The following ROBO3 variants were observed in gnomAD, a reference collection of about 807,000 sequenced individuals.
The protein encoded by ROBO3 is roundabout homolog 3.
A neutral mutation model predicts 160.5 loss-of-function variants in ROBO3; 97 were observed. The ratio of observed to expected loss-of-function variants is 0.60; its 90% confidence interval spans 0.51 to 0.72. The LOEUF (loss-of-function observed/expected upper bound fraction) is 0.72, where lower values mean the gene tolerates loss of function less well. ROBO3 is among the 30% of genes least tolerant of loss of function. ROBO3 has a pLI of 0.00. For missense variants in ROBO3, 1,858 were observed against 1,846.5 expected, an observed-to-expected ratio of 1.01 and a Z score of -0.11; for synonymous variants, 780 against 746.2, an observed-to-expected ratio of 1.05 and a Z score of -0.74.
At chr11:124,880,738 G>A (rs1946562323) in intron 27 of ROBO3, 130 bp downstream of exon 27, 4 of 1,323,916 alleles carry the variant, frequency 3.0e-6, no homozygotes, top group Admixed American at 5.7e-5. Context: ...GAGAGGGTGA[G>A]GGGGAGGGAG....
chr11:124,878,281 C>T lies in ROBO3; in HGVS notation c.3182-17C>T, dbSNP rs759972135. 1 of 1,611,514 alleles carries T rather than the reference C, an allele frequency of 6.2e-7. No individual in the cohort carries two copies. The highest frequency in any genetic ancestry group is 1.1e-5 in the South Asian group (1 of 90,450). ...TTCCTGCCTGTTCTCCGGGTGTCCC[C>T]ATCCTATTCTCCTCAGGAGCCAAGG... On this transcript the variant is annotated splice_polypyrimidine_tract_variant and intron_variant, in intron 21 of 27. Coordinates refer to ENST00000397801, the MANE Select transcript of ROBO3 (RefSeq NM_022370.4). The surrounding 1 kb of genome is among the most constrained non-coding windows in gnomAD (Gnocchi z 4.3).
chr11:124,871,205 A>G, intron 7 of ROBO3, 67 bp downstream of exon 7: 2 of 1,523,770 alleles, frequency 1.3e-6, no homozygotes, highest in South Asian at 2.4e-5. Context: ...CTCCCTCTAC[A>G]TTCTGCAAAC....
rs1052307990 is a variant in ROBO3 at position 124,873,256 on chromosome 11, C to T, written c.1537-54C>T. 1 of 1,526,014 alleles carries T rather than the reference C, an allele frequency of 6.6e-7. No individual in the cohort carries two copies. Among genetic ancestry groups the T allele is most frequent in the East Asian group, 2.3e-5 (1 of 42,710 alleles). The allele number at this position is 1,526,014 out of a possible 1,614,324, so 94.5% of individuals were successfully genotyped here. ...TCCTTCTGCTACCCGCCTCCACCCCCTCACTGGATCTTGCTCCACTCTCAG... is the reference window on the plus strand; with the variant it reads ...TCCTTCTGCTACCCGCCTCCACCCCTTCACTGGATCTTGCTCCACTCTCAG... On this transcript the variant is annotated intron_variant, in intron 9 of 27. Coordinates refer to ENST00000397801, the MANE Select transcript of ROBO3 (RefSeq NM_022370.4). This position sits in a 1 kb window ranked among gnomAD's most constrained non-coding sequence, Gnocchi z 4.5.
At position 124,873,395 on chromosome 11, in the gene ROBO3, A is replaced by G; in HGVS notation, c.1618+4A>G. The G allele has an allele frequency of 6.2e-7, 1 of 1,609,408 alleles. No homozygotes were observed. The highest frequency in any genetic ancestry group is 8.5e-7 in the Non-Finnish European group (1 of 1,177,946). On this transcript the variant is annotated splice_donor_region_variant and intron_variant, in intron 10 of 27. Transcript: ENST00000397801. The surrounding 1 kb of genome is among the most constrained non-coding windows in gnomAD (Gnocchi z 4.5). ...AGCGGCTGGCTTAAGATGCGGGGTG[A>G]GTTTTTTCTTTCTTCCCTTATTTTG...
At position 124,876,051 on chromosome 11, in the gene ROBO3, T is replaced by C. The variant is rs773013072; in HGVS notation, c.2519T>C (p.Leu840Pro). Reference sequence around the variant, plus strand: ...CTCCGAGGACTGGTGCCCGGTCTCCTCTATCGAACCCTGGTCGCGGCGGCC... The same window carrying C: ...CTCCGAGGACTGGTGCCCGGTCTCCCCTATCGAACCCTGGTCGCGGCGGCC... ...AMLRGLVPGL[L>P]YRTLVAAATS... The change falls in exon 16 of 28, where the codon CTC (leucine) becomes CCC (proline). Residue 840 changes from leucine (L) to proline (P), a missense_variant. Physicochemically the swap from Leu to Pro is moderately conservative, Grantham distance 98. Coordinates refer to ENST00000397801, the MANE Select transcript of ROBO3 (RefSeq NM_022370.4). This position sits in a 1 kb window ranked among gnomAD's most constrained non-coding sequence, Gnocchi z 5.3. 6.2e-7 allele frequency: 1 copy of C among 1,609,754 alleles called. No individual in the cohort carries two copies.
At chr11:124,868,349 C>T (rs543247052) in intron 1 of ROBO3, 57 of 328,358 alleles carry the variant, frequency 1.7e-4, no homozygotes, top group African/African-American at 1.1e-3. Flanking sequence ...TTGCAGAAGT[C>T]AAGAACAAAC....
chr11:124,870,798 G>A, intron 6 of ROBO3, 70 bp downstream of exon 6: 1 of 1,575,396 alleles, frequency 6.3e-7, no homozygotes, highest in Non-Finnish European at 8.6e-7. Flanking sequence ...GTTGGCAAGA[G>A]ACTGAGGGAG....
intron 1 of ROBO3, among the ~76,000 whole-genome samples, chr11:124,867,949 T>C (rs1391939027): frequency 6.6e-6 from 1 of 152,070 alleles, no homozygotes; most frequent in Non-Finnish European, 1.5e-5. Context: ...TATAACAGGC[T>C]CCGGGATCCT....
In ROBO3 at chr11:124,872,278, G is replaced by A. The variant is rs1591511387; in HGVS notation, c.1159-103G>A. 1.7e-5 allele frequency: 18 copies of A among 1,086,678 alleles called. No homozygotes were observed. The East Asian group carries it at 4.3e-4, about 26-fold the overall frequency. The allele number at this position is 1,086,678 out of a possible 1,614,324, so 67.3% of individuals were successfully genotyped here. On this transcript the variant is annotated intron_variant, in intron 7 of 27. Transcript: ENST00000397801. The surrounding 1 kb of genome is among the most constrained non-coding windows in gnomAD (Gnocchi z 4.3). ...ACTGCTGGAGACAGACGATGAACTA[G>A]AATCATAGGAATTCTCTGAATTTTG...
At position 124,872,669 on chromosome 11, in the gene ROBO3, G is replaced by A; in HGVS notation, c.1330+117G>A. 8.6e-7 allele frequency: 1 copy of A among 1,158,048 alleles called. No individual in the cohort carries two copies. Among genetic ancestry groups the A allele is most frequent in the Non-Finnish European group, 1.2e-6 (1 of 833,000 alleles). 71.7% of individuals were successfully genotyped at this position (1,158,048 alleles called of 1,614,324 possible). ...TCTGCAAGAGGAGAGATGTGTTCCT[G>A]AGGCATGACCTTGAAGTTTGGAAAC... On this transcript the variant is annotated intron_variant, in intron 8 of 27. Coordinates refer to ENST00000397801, the MANE Select transcript of ROBO3 (RefSeq NM_022370.4). This position sits in a 1 kb window ranked among gnomAD's most constrained non-coding sequence, Gnocchi z 4.3.
chr11:124,865,624 C>T lies in ROBO3; in HGVS notation c.47C>T (p.Ala16Val). 1 of 1,612,970 alleles carries T rather than the reference C, an allele frequency of 6.2e-7. No homozygotes were observed. Among genetic ancestry groups the T allele is most frequent in the South Asian group, 1.1e-5 (1 of 90,880 alleles). The change falls in exon 1 of 28, where the codon GCG becomes GTG. Residue 16 changes from alanine to valine, a missense_variant. By Grantham distance (64) the Ala-to-Val change is moderately conservative (BLOSUM62 0). Transcript: ENST00000397801. The surrounding 1 kb of genome is among the most constrained non-coding windows in gnomAD (Gnocchi z 5.5). ...LKTLLQMNLF[A>V]DSLAGDISNS... ...ACGCTGCTGCAGATGAACTTGTTCG[C>T]GGACTCTCTGGCCGGGGACATCTCC... is the stretch of plus-strand genomic sequence containing the variant.
rs552073172 is a variant in ROBO3 at position 124,877,642 on chromosome 11, C to G, written c.2970C>G (p.Asp990Glu). ...GCTGCCCTAGCAATCCTGACCCGGA[C>G]GACAGATATTACAACGGTGAGGAGT... ...GSCCPSNPDPDDRYYNEAGIS... is the reference protein window; with the variant it reads ...GSCCPSNPDPEDRYYNEAGIS... The change falls in exon 20 of 28, where the codon GAC becomes GAG. Residue 990 changes from aspartate (D) to glutamate (E), a missense_variant. Asp to Glu is a conservative substitution (Grantham distance 45). Coordinates refer to ENST00000397801, the MANE Select transcript of ROBO3 (RefSeq NM_022370.4). 30 of 1,610,970 alleles carry G rather than the reference C, an allele frequency of 1.9e-5. No individual in the cohort carries two copies. The Admixed American group carries it at 4.7e-4, about 25-fold the overall frequency.
chr11:124,879,387 T>C, intron 24 of ROBO3, 46 bp downstream of exon 24: 1 of 1,606,680 alleles, frequency 6.2e-7, no homozygotes, highest in Non-Finnish European at 8.5e-7. Flanking sequence ...CCTCCAGTGC[T>C]TGCTTCCCCT....
chr11:124,870,646 T>G lies in ROBO3; in HGVS notation c.951T>G (p.Ser317Arg). 6.2e-7 allele frequency: 1 copy of G among 1,613,494 alleles called. No homozygotes were observed. The highest frequency in any genetic ancestry group is 8.5e-7 in the Non-Finnish European group (1 of 1,179,770). Reference protein sequence around the residue: ...SDHSLWIGHVSAEDEGTYTCV... With the variant: ...SDHSLWIGHVRAEDEGTYTCV... ...ACAGCCTTTGGATTGGGCATGTGAG[T>G]GCCGAAGATGAGGGAACGTACACCT... Residue 317 changes from serine to arginine, a missense_variant, in exon 6 of 28, where the codon AGT (serine) becomes AGG (arginine). Coordinates refer to ENST00000397801, the MANE Select transcript of ROBO3 (RefSeq NM_022370.4).
chr11:124,877,214 G>A (rs1273077363), intron 18 of ROBO3, 30 bp downstream of exon 18: 1 of 1,613,902 alleles, frequency 6.2e-7, no homozygotes, highest in Admixed American at 1.7e-5. Flanking sequence ...GTGGGGTTCA[G>A]ACCCCCCGGG....
chr11:124,881,448 TAA>T lies in ROBO3; in HGVS notation c.*202_*203del, dbSNP rs1039391698. On this transcript the variant is annotated 3_prime_UTR_variant, in exon 28 of 28. Transcript: ENST00000397801. ...GACTTGTTTATAAAAAACAAAACAA[TAA>T]AAAGAGTCTGATCAGAGCCCAGGGC... The T allele has an allele frequency of 1.8e-5, 11 of 596,802 alleles. No individual in the cohort carries two copies. Among genetic ancestry groups the T allele is most frequent in the Admixed American group, 5.9e-5 (2 of 34,164 alleles). The allele number at this position is 596,802 out of a possible 1,614,324, so 37.0% of individuals were successfully genotyped here. A position where few individuals can be genotyped will look rare whatever the true frequency, so the allele number is the denominator to read the frequency against.
At chr11:124,879,044 A>G (rs1946484731) in intron 23 of ROBO3, 146 bp from the exon 24 acceptor site, 1 of 965,684 alleles carries the variant, frequency 1.0e-6, no homozygotes, top group African/African-American at 1.6e-5. Flanking sequence ...GGCTCTCCTT[A>G]TGCTTCTCTA....
chr11:124,875,859 C>A, intron 15 of ROBO3, 95 bp from the exon 16 acceptor site: 1 of 1,468,850 alleles, frequency 6.8e-7, no homozygotes, highest in East Asian at 2.4e-5. Flanking sequence ...TGAATTACAT[C>A]TGTATAAGGC....
Position 124,876,998 on chromosome 11 carries a change from G to A in ROBO3, c.2780-163G>A, listed in dbSNP as rs1199785663. 2 of 798,590 alleles carry A rather than the reference G, an allele frequency of 2.5e-6. No individual in the cohort carries two copies. The allele number at this position is 798,590 out of a possible 1,614,324, so 49.5% of individuals were successfully genotyped here. A position where few individuals can be genotyped will look rare whatever the true frequency, so the allele number is the denominator to read the frequency against. On this transcript the variant is annotated intron_variant, in intron 17 of 27. Coordinates refer to ENST00000397801, the MANE Select transcript of ROBO3 (RefSeq NM_022370.4). This position sits in a 1 kb window ranked among gnomAD's most constrained non-coding sequence, Gnocchi z 5.3. The stretch of plus-strand genomic sequence containing the variant: ...ACTTGAGGGGCTTGAGAAAAATACC[G>A]ACACCTGAGTCCCACCCCCGAGAAA...
Sources: gnomAD v4.1 joint callset for allele counts (sites outside exome capture counted in the v4.1 genomes callset) on GRCh38, gnomAD v4.1.1 for gene constraint, Gnocchi (gnomAD v3.1) non-coding constraint, MANE v1.5 for transcripts, NCBI Gene and HGNC (gene_info 2026-07-23, HGNC 2026-07-21) for gene names.